WWOX: variants seen among roughly 807,000 people sequenced by gnomAD.
WWOX encodes WW domain containing oxidoreductase.
A neutral mutation model predicts 46.2 loss-of-function variants in WWOX; 69 were observed. The observed-to-expected ratio is 1.49, with a 90% confidence interval of 1.23 to 1.82. WWOX has a LOEUF of 1.82. WWOX is among the 40% of genes most tolerant of loss of function. WWOX has a pLI of 0.00. For missense variants in WWOX, 919 were observed against 542.6 expected (o/e 1.69, Z -6.89); for synonymous variants, 359 against 202.6 (o/e 1.77, Z -6.56).
intron 1 of WWOX, among the ~76,000 whole-genome samples, chr16:78,105,642 T>A (rs1019501606): frequency 2.0e-5 from 3 of 152,144 alleles, no homozygotes; most frequent in Non-Finnish European, 2.9e-5. Flanking sequence ...TTGGAAAGTA[T>A]TCATTCTGTT....
At chr16:78,624,775 C>T (rs951459321) in intron 8 of WWOX, among the ~76,000 whole-genome samples, 1 of 152,164 alleles carries the variant, frequency 6.6e-6, no homozygotes, top group Non-Finnish European at 1.5e-5. Context: ...TGCAGAACGA[C>T]ACAATGGTGA....
intron 8 of WWOX, among the ~76,000 whole-genome samples, chr16:79,097,740 G>A (rs976558015): frequency 6.6e-6 from 1 of 152,104 alleles, no homozygotes; most frequent in Non-Finnish European, 1.5e-5. Context: ...TTTTATTTAG[G>A]GAAGGCGATC....
chr16:78,871,948 T>C (rs2044138306), intron 8 of WWOX, among the ~76,000 whole-genome samples: 1 of 152,182 alleles, frequency 6.6e-6, no homozygotes, highest in Admixed American at 6.5e-5. Flanking sequence ...CTTCCAGCCA[T>C]GCCCTAGGGA....
At chr16:78,936,706 AC>A (rs145523292) in intron 8 of WWOX, among the ~76,000 whole-genome samples, 2,502 of 152,280 alleles carry the variant, frequency 0.016, 59 homozygotes, top group African/African-American at 0.057. Context: ...ATTTCTGACA[AC>A]AGCTCAGCAA....
chr16:78,867,805 A>T (rs919699794), intron 8 of WWOX, among the ~76,000 whole-genome samples: 1 of 152,156 alleles, frequency 6.6e-6, no homozygotes, highest in Non-Finnish European at 1.5e-5. Context: ...TTCTGACCTC[A>T]TCGCTGCCAC....
chr16:78,999,756 G>T (rs1242395304), intron 8 of WWOX, among the ~76,000 whole-genome samples: 1 of 152,200 alleles, frequency 6.6e-6, no homozygotes, highest in East Asian at 1.9e-4. Context: ...TGCCTGTTAG[G>T]TGCCATGTTC....
chr16:78,234,100 G>A (rs991934544), intron 5 of WWOX, among the ~76,000 whole-genome samples: 2 of 141,394 alleles, frequency 1.4e-5, no homozygotes, highest in African/African-American at 2.6e-5. Flanking sequence ...TCCAGAACAC[G>A]GTGGGGAGGA....
chr16:78,578,894 C>G (rs1168143449), intron 8 of WWOX, among the ~76,000 whole-genome samples: 1 of 152,176 alleles, frequency 6.6e-6, no homozygotes, highest in African/African-American at 2.4e-5. Context: ...TCTCTACAAA[C>G]AAATATTACC....
intron 5 of WWOX, chr16:78,238,091 C>T (rs2037502849): frequency 1.3e-5 from 2 of 152,202 alleles, no homozygotes; most frequent in Admixed American, 1.3e-4. Context: ...ACCTTACCTC[C>T]TGGGGATAAG....
At chr16:78,627,749 T>A (rs536613210) in intron 8 of WWOX, among the ~76,000 whole-genome samples, 1 of 152,348 alleles carries the variant, frequency 6.6e-6, no homozygotes, top group South Asian at 2.1e-4. Context: ...TAACTCTATT[T>A]CATTTTGGAA....
chr16:79,016,935 G>T (rs936045815), intron 8 of WWOX: 1 of 152,214 alleles, frequency 6.6e-6, no homozygotes, highest in Non-Finnish European at 1.5e-5. Context: ...CCTGACCTCA[G>T]GTGATCCGAC....
intron 5 of WWOX, among the ~76,000 whole-genome samples, chr16:78,370,372 G>T (rs2081645117): frequency 6.6e-6 from 1 of 152,104 alleles, no homozygotes; most frequent in Admixed American, 6.5e-5. Context: ...TAAGTACTGT[G>T]TAAGAATTGG....
At chr16:78,790,826 C>T (rs1409161494) in intron 8 of WWOX, among the ~76,000 whole-genome samples, 1 of 151,786 alleles carries the variant, frequency 6.6e-6, no homozygotes, top group African/African-American at 2.4e-5. Flanking sequence ...GAAGACCAGC[C>T]TGGGCAACAT....
chr16:78,731,839 C>CTTTTTTTT (rs1358966064), intron 8 of WWOX, among the ~76,000 whole-genome samples: 1 of 111,506 alleles, frequency 9.0e-6, no homozygotes, highest in African/African-American at 5.3e-5. Context: ...AATTTTTTTT[C>CTTTTTTTT]TTTCTCTTTT....
At chr16:78,877,900 C>T (rs572904322) in intron 8 of WWOX, among the ~76,000 whole-genome samples, 9 of 152,286 alleles carry the variant, frequency 5.9e-5, no homozygotes, top group South Asian at 4.1e-4. Flanking sequence ...ATGACTTCAG[C>T]GCCCACAGAT....
intron 8 of WWOX, among the ~76,000 whole-genome samples, chr16:79,027,618 C>T: frequency 6.6e-6 from 1 of 151,874 alleles, no homozygotes; most frequent in East Asian, 1.9e-4. Context: ...AAATCTCTTC[C>T]TTTCCTATCG....
intron 6 of WWOX, among the ~76,000 whole-genome samples, chr16:78,403,040 C>T (rs1333601108): frequency 6.6e-6 from 1 of 152,200 alleles, no homozygotes; most frequent in Non-Finnish European, 1.5e-5. Flanking sequence ...TGAATGGCAG[C>T]ACACGGCTGT....
intron 8 of WWOX, among the ~76,000 whole-genome samples, chr16:78,758,474 C>A (rs1158495630): frequency 6.6e-6 from 1 of 152,164 alleles, no homozygotes; most frequent in Non-Finnish European, 1.5e-5. Context: ...TGTTTATTAC[C>A]ACAGATTGGA....
chr16:78,660,122 C>G (rs1360051398), intron 8 of WWOX, among the ~76,000 whole-genome samples: 1 of 152,178 alleles, frequency 6.6e-6, no homozygotes, highest in African/African-American at 2.4e-5. Context: ...TTTGGATCCT[C>G]TGTTTCAGAG....
Sources: allele counts gnomAD v4.1 joint callset (sites outside exome capture counted in the v4.1 genomes callset), GRCh38; gene constraint gnomAD v4.1.1; transcripts MANE v1.5; gene names NCBI Gene and HGNC (gene_info 2026-07-23, HGNC 2026-07-21).